DOC2A: variants seen among roughly 807,000 people sequenced by gnomAD.
The protein encoded by DOC2A is double C2-like domain-containing protein alpha.
In DOC2A, 28 loss-of-function variants were observed where a neutral mutation model predicts 40.6. The ratio of observed to expected loss-of-function variants is 0.69; its 90% CI spans 0.51 to 0.95. DOC2A has a LOEUF of 0.95. Among genes scored for constraint, DOC2A ranks in the 40% least tolerant of loss-of-function variants. DOC2A has a pLI of 0.00. For synonymous variants in DOC2A, 241 were observed against 236.9 expected, an observed-to-expected ratio of 1.02 and a Z score of -0.16; for missense variants, 474 against 552.5, an observed-to-expected ratio of 0.86 and a Z score of 1.42.
In DOC2A at chr16:30,010,163, G is replaced by A. The variant is rs1017835721; in HGVS notation, c.60C>T (p.Asn20=). The part of the protein sequence containing the change: ...TINIQEHMAI[N]VCPGPIRPIR... The stretch of plus-strand genomic sequence containing the variant: ...TGGGCCGGATGGGCCCGGGGCACAC[G>A]TTGATGGCCATGTGCTCCTGGATGT... Residue 20 remains asparagine (N), a synonymous_variant, in exon 2 of 11, where the codon AAC becomes AAT. Transcript: ENST00000350119. This position sits in a 1 kb window ranked among gnomAD's most constrained non-coding sequence, Gnocchi z 4.2. The A allele has an allele frequency of 8.7e-6, 14 of 1,613,904 alleles. No homozygotes were observed. The highest frequency in any genetic ancestry group is 2.7e-5 in the African/African-American group (2 of 74,940).
At chr16:30,013,622 A>AATAAATAAAAAAAAAT (rs1186474493), upstream of DOC2A, 1 of 141,518 alleles carries the variant, frequency 7.1e-6, no homozygotes, top group Non-Finnish European at 1.5e-5. Flanking sequence ...AAAAAAAAAA[A>AATAAATAAAAAAAAAT]AAAAATCCTT....
intron 1 of DOC2A, among the ~76,000 whole-genome samples, chr16:30,017,547 A>T: frequency 6.6e-6 from 1 of 152,242 alleles, no homozygotes; most frequent in East Asian, 1.9e-4. Flanking sequence ...GGAAACAGAA[A>T]ATCAAATACC....
chr16:30,007,203 A>T lies in DOC2A; in HGVS notation c.624T>A (p.His208Gln), dbSNP rs781582421. The change falls in exon 6 of 11, where the codon CAT becomes CAA. Residue 208 changes from histidine to glutamine, a missense_variant. By Grantham distance (24) the His-to-Gln change is conservative (BLOSUM62 0). Transcript: ENST00000350119. The part of the protein sequence containing the change: ...LRRLKPSQKK[H>Q]FNICLERQVP... ...CCTGGCGCTCGAGGCAGATGTTAAA[A>T]TGCTTCTTCTGCGAAGGCTTGAGGC... is the stretch of plus-strand genomic sequence containing the variant. The T allele has an allele frequency of 1.9e-6, 3 of 1,613,902 alleles. No individual in the cohort carries two copies. Among genetic ancestry groups the T allele is most frequent in the Non-Finnish European group, 2.5e-6 (3 of 1,180,016 alleles).
chr16:30,019,728 G>A lies in DOC2A; in HGVS notation c.-376+1455C>T, dbSNP rs74956864. Among the ~76,000 whole-genome samples the A allele has an allele frequency of 3.5e-3, 538 of 152,210 alleles. 5 individuals are homozygous for A. The highest frequency in any genetic ancestry group is 0.011 in the African/African-American group (476 of 41,518). ...CCTGGGGCACGAGCCCTGGCCCAGC[G>A]TCGGGAACCAGGTTATTTATTTATT... On this transcript the variant is annotated intron_variant, in intron 1 of 5. Coordinates refer to the DOC2A transcript ENST00000574405.
upstream of DOC2A, chr16:30,013,628 T>C (rs1300991873): frequency 2.0e-4 from 14 of 71,220 alleles, no homozygotes; most frequent in African/African-American, 5.4e-4. Flanking sequence ...AAAAAAAAAA[T>C]CCTTAGACCC....
Position 30,009,854 on chromosome 16 carries a change from T to G in DOC2A, c.262+107A>C. The G allele has an allele frequency of 9.0e-6, 9 of 1,004,774 alleles. No individual in the cohort carries two copies. Among genetic ancestry groups the G allele is most frequent in the Non-Finnish European group, 1.3e-5 (9 of 669,328 alleles). The allele number at this position is 1,004,774 out of a possible 1,614,324, so 62.2% of individuals were successfully genotyped here. ...CCCTGCCACCCCCCCACTGCCCTCC[T>G]CCCCTACCTACATGCACAGCCAGCA... On this transcript the variant is annotated intron_variant, in intron 2 of 10. Coordinates refer to ENST00000350119, the MANE Select transcript of DOC2A (RefSeq NM_003586.3). The surrounding 1 kb of genome is among the most constrained non-coding windows in gnomAD (Gnocchi z 4.1).
At chr16:30,008,668 CTAA>C (rs1567281136) in intron 5 of DOC2A, 1 of 324,694 alleles carries the variant, frequency 3.1e-6, no homozygotes, top group Admixed American at 4.2e-5. Context: ...CCACGCCCGG[CTAA>C]TTTTTGTATT....
chr16:30,011,030 G>A, upstream of DOC2A: 1 of 986,638 alleles, frequency 1.0e-6, no homozygotes, highest in Non-Finnish European at 1.2e-6. Flanking sequence ...GAAAGTGCGG[G>A]GAGGAGGGGG....
At chr16:30,020,200 C>A (rs957363705) in intron 1 of DOC2A, among the ~76,000 whole-genome samples, 2 of 151,964 alleles carry the variant, frequency 1.3e-5, no homozygotes, top group African/African-American at 4.8e-5. Flanking sequence ...TGAGCCACCG[C>A]GCCCAGCCTT....
upstream of DOC2A, chr16:30,011,150 G>A: frequency 3.0e-6 from 2 of 663,486 alleles, no homozygotes; most frequent in Non-Finnish European, 3.7e-6. Context: ...GCCCGCTCGG[G>A]AGCGCACGCG....
upstream of DOC2A, among the ~76,000 whole-genome samples, chr16:30,014,763 C>G (rs544685850): frequency 6.6e-6 from 1 of 151,762 alleles, no homozygotes; most frequent in African/African-American, 2.4e-5. Flanking sequence ...CATGCTGAAA[C>G]GCTGTCTCTA....
chr16:30,016,020 A>AATATATATATATATATATATAT (rs1161591964), upstream of DOC2A, among the ~76,000 whole-genome samples: 2 of 61,200 alleles, frequency 3.3e-5, no homozygotes, highest in African/African-American at 2.4e-4. Flanking sequence ...CCAGCACAAT[A>AATATATATATATATATATATAT]ATATATATAT....
At chr16:30,014,722 G>A (rs984265667), upstream of DOC2A, among the ~76,000 whole-genome samples, 9 of 151,806 alleles carry the variant, frequency 5.9e-5, no homozygotes, top group African/African-American at 2.2e-4. Flanking sequence ...GGAGGATCAC[G>A]AGGTCAGGAG....
upstream of DOC2A, among the ~76,000 whole-genome samples, chr16:30,011,989 GC>G (rs1391916199): frequency 6.6e-6 from 1 of 151,668 alleles, no homozygotes; most frequent in African/African-American, 2.4e-5. Context: ...CCCCCAAGCC[GC>G]CCCCCTGCCC....
rs78439120 is a variant in DOC2A at position 30,006,614 on chromosome 16, G to T, written c.942C>A (p.Leu314=). The T allele has an allele frequency of 6.2e-7, 1 of 1,613,752 alleles. No individual in the cohort carries two copies. Among genetic ancestry groups the T allele is most frequent in the Non-Finnish European group, 8.5e-7 (1 of 1,179,986 alleles). The change falls in exon 9 of 11, where the codon CTC becomes CTA. Residue 314 remains leucine, a synonymous_variant. Coordinates refer to ENST00000350119, the MANE Select transcript of DOC2A (RefSeq NM_003586.3). The surrounding 1 kb of genome is among the most constrained non-coding windows in gnomAD (Gnocchi z 6.2). ...TGGGTACCTCGTTAAATTCTGGGTT[G>T]AGAGTCTTCTTCTTCACACACGTCT... ...KHKTCVKKKT[L]NPEFNEEFFY...
chr16:30,006,968 G>T lies in DOC2A; in HGVS notation c.715-20C>A. On this transcript the variant is annotated intron_variant, in intron 7 of 10. Coordinates refer to ENST00000350119, the MANE Select transcript of DOC2A (RefSeq NM_003586.3). This position sits in a 1 kb window ranked among gnomAD's most constrained non-coding sequence, Gnocchi z 6.2. The stretch of plus-strand genomic sequence containing the variant: ...CTCCAACTGCGGGGCACAGACTCAG[G>T]GTCAGCCTGGGCCCCTGCAGCCTCC... 1 of 1,613,696 alleles carries T rather than the reference G, an allele frequency of 6.2e-7. No individual in the cohort carries two copies. The highest frequency in any genetic ancestry group is 8.5e-7 in the Non-Finnish European group (1 of 1,179,790).
chr16:30,006,937 C>T lies in DOC2A; in HGVS notation c.726G>A (p.Ala242=), dbSNP rs149321308. 1.8e-5 allele frequency: 29 copies of T among 1,610,552 alleles called. No individual in the cohort carries two copies. Among genetic ancestry groups the T allele is most frequent in the African/African-American group, 1.5e-4 (11 of 74,978 alleles). ...CCTCCAGCAGCCCCTGCCCCTGCTC[C>T]GCCTGCTCCAACTGCGGGGCACAGA... ...ISCYLKELEQ[A]EQGQGLLEER... is the part of the protein sequence containing the mutation. The change falls in exon 8 of 11, where the codon GCG becomes GCA. Residue 242 remains alanine, a synonymous_variant. Coordinates refer to ENST00000350119, the MANE Select transcript of DOC2A (RefSeq NM_003586.3). The surrounding 1 kb of genome is among the most constrained non-coding windows in gnomAD (Gnocchi z 6.2).
In DOC2A at chr16:30,006,832, A is replaced by T; in HGVS notation, c.831T>A (p.His277Gln). ...AACCGTTGACGTCCATGGCAGCCAG[A>T]TGGGCGCAGCGCAAGATGCCTACCA... ...GLLVGILRCAHLAAMDVNGYS... is the reference protein window; with the variant it reads ...GLLVGILRCAQLAAMDVNGYS... The change falls in exon 8 of 11, where the codon CAT (histidine) becomes CAA (glutamine). Residue 277 changes from histidine (H) to glutamine (Q), a missense_variant. Transcript: ENST00000350119. The surrounding 1 kb of genome is among the most constrained non-coding windows in gnomAD (Gnocchi z 6.2). The T allele has an allele frequency of 6.2e-7, 1 of 1,613,730 alleles. No individual in the cohort carries two copies. Among genetic ancestry groups the T allele is most frequent in the Non-Finnish European group, 8.5e-7 (1 of 1,179,878 alleles).
At position 30,006,396 on chromosome 16, in the gene DOC2A, GCCAGCTCCT is replaced by G; in HGVS notation, c.1057+8_1057+16del. ...CACTTGCCCGCCCTCAACACCCGCA[GCCAGCTCCT>G]CCCTCACCAATGAAGTCATTGGATT... On this transcript the variant is annotated splice_region_variant and intron_variant, in intron 10 of 10. Coordinates refer to ENST00000350119, the MANE Select transcript of DOC2A (RefSeq NM_003586.3). The surrounding 1 kb of genome is among the most constrained non-coding windows in gnomAD (Gnocchi z 6.2). 6.2e-7 allele frequency: 1 copy of G among 1,613,630 alleles called. No individual in the cohort carries two copies. The highest frequency in any genetic ancestry group is 8.5e-7 in the Non-Finnish European group (1 of 1,179,904).
Sources: gnomAD v4.1 joint callset for allele counts (sites outside exome capture counted in the v4.1 genomes callset) on GRCh38, gnomAD v4.1.1 for gene constraint, Gnocchi (gnomAD v3.1) non-coding constraint, MANE v1.5 for transcripts, NCBI Gene and HGNC (gene_info 2026-07-23, HGNC 2026-07-21) for gene names.